WWOX: variants seen among roughly 807,000 people sequenced by gnomAD.
WWOX encodes WW domain-containing oxidoreductase.
WWOX carries 69 observed loss-of-function variants against 46.2 expected under a neutral mutation model. That is an observed-to-expected ratio of 1.49 (90% confidence interval 1.23 to 1.82). The LOEUF (loss-of-function observed/expected upper bound fraction) is 1.82. WWOX is among the 40% of genes most tolerant of loss of function. The pLI, the probability that WWOX is intolerant of heterozygous loss-of-function variation, is 0.00. For synonymous variants in WWOX, 359 were observed against 202.6 expected, an observed-to-expected ratio of 1.77 and a Z score of -6.56; for missense variants, 919 against 542.6, an observed-to-expected ratio of 1.69 and a Z score of -6.89.
intron 6 of WWOX, among the ~76,000 whole-genome samples, chr16:78,423,399 G>A (rs1176372596): frequency 6.6e-6 from 1 of 152,010 alleles, no homozygotes; most frequent in African/African-American, 2.4e-5. Flanking sequence ...GGTATATTTA[G>A]TTTACTTTAT....
rs375540815 is a variant in WWOX at position 78,103,000 on chromosome 16, CCCAGAGGTG to C, written c.107+3117_107+3125del. Among the ~76,000 whole-genome samples, 352 of 152,268 alleles carry C rather than the reference CCCAGAGGTG, an allele frequency of 2.3e-3. 1 individual carries two copies. The highest frequency in any genetic ancestry group is 8.1e-3 in the African/African-American group (338 of 41,572). On this transcript the variant is annotated intron_variant, in intron 1 of 8. Coordinates refer to ENST00000566780, the MANE Select transcript of WWOX (RefSeq NM_016373.4). ...GGCGTCTCCTCCTTTGCCACTCAGC[CCCAGAGGTG>C]CTTCTGCTTCCCTGCAGGCTTGCCC...
chr16:78,310,892 C>T (rs1320976294), intron 5 of WWOX, among the ~76,000 whole-genome samples: 2 of 152,176 alleles, frequency 1.3e-5, no homozygotes, highest in African/African-American at 4.8e-5. Context: ...GGTAGGGGCA[C>T]CCTTGTTGTC....
At chr16:78,615,263 C>G (rs2045995155) in intron 8 of WWOX, among the ~76,000 whole-genome samples, 1 of 152,180 alleles carries the variant, frequency 6.6e-6, no homozygotes, top group South Asian at 2.1e-4. Context: ...TCCTAAGTTT[C>G]AGGCTCTGCT....
rs139879546 is a variant in WWOX, at chr16:78,616,053, A to G, written c.1056+183301A>G. On this transcript the variant is annotated intron_variant, in intron 8 of 8. Coordinates refer to ENST00000566780, the MANE Select transcript of WWOX (RefSeq NM_016373.4). ...GCGTGAACTACTGTGCCTGGCCAGG[A>G]TAATCTTTAAGAAGAAGATAACATT... 8.4e-3 allele frequency among the ~76,000 whole-genome samples: 1,275 copies of G among 152,166 alleles called. 17 individuals are homozygous for G. Among genetic ancestry groups the G allele is most frequent in the African/African-American group, 0.028 (1,166 of 41,492 alleles).
At chr16:78,559,878 T>C (rs1009448572) in intron 8 of WWOX, among the ~76,000 whole-genome samples, 1 of 152,188 alleles carries the variant, frequency 6.6e-6, no homozygotes, top group Non-Finnish European at 1.5e-5. Flanking sequence ...ATCTCATACT[T>C]TACCTCAATT....
At chr16:78,291,761 A>G (rs1038588657) in intron 5 of WWOX, among the ~76,000 whole-genome samples, 1 of 152,204 alleles carries the variant, frequency 6.6e-6, no homozygotes, top group African/African-American at 2.4e-5. Context: ...AGTTTGGGGC[A>G]TATTTCCAAG....
In WWOX at chr16:78,944,742, T is replaced by C. The variant is rs114873658; in HGVS notation, c.1057-266866T>C. Among the ~76,000 whole-genome samples the C allele has an allele frequency of 4.6e-3, 698 of 152,298 alleles. 2 individuals are homozygous for C. Among genetic ancestry groups the C allele is most frequent in the African/African-American group, 0.016 (667 of 41,566 alleles). ...GACCTCCTAGGACTGCACTGCTGCT[T>C]ATGACACTGATCCTTAGCCCATCTA... On this transcript the variant is annotated intron_variant, in intron 8 of 8. Transcript: ENST00000566780.
intron 5 of WWOX, among the ~76,000 whole-genome samples, chr16:78,315,084 G>A (rs926816420): frequency 1.3e-5 from 2 of 151,912 alleles, no homozygotes; most frequent in East Asian, 1.9e-4. Flanking sequence ...GCTATCTATC[G>A]ATTTCTCTTT....
chr16:79,168,426 G>A (rs2050636374), intron 8 of WWOX, among the ~76,000 whole-genome samples: 1 of 152,150 alleles, frequency 6.6e-6, no homozygotes, highest in South Asian at 2.1e-4. Context: ...GAGTTAAGGA[G>A]TGTTCTCAGG....
At chr16:78,710,340 G>A (rs530291254) in intron 8 of WWOX, among the ~76,000 whole-genome samples, 1 of 151,322 alleles carries the variant, frequency 6.6e-6, no homozygotes, top group East Asian at 2.0e-4. Context: ...GCTGCTTCTA[G>A]CCGCTCCATC....
At chr16:78,788,721 C>G (rs929619786) in intron 8 of WWOX, among the ~76,000 whole-genome samples, 7 of 152,162 alleles carry the variant, frequency 4.6e-5, no homozygotes, top group Admixed American at 3.3e-4. Flanking sequence ...GCAAATTAAT[C>G]AAACCCAAAG....
intron 5 of WWOX, among the ~76,000 whole-genome samples, chr16:78,347,682 C>T (rs1204582163): frequency 8.2e-6 from 1 of 122,034 alleles, no homozygotes; most frequent in Non-Finnish European, 2.0e-5. Flanking sequence ...AAATTAATTG[C>T]ATTACTATCT....
At chr16:78,334,980 A>G (rs2080854295) in intron 5 of WWOX, among the ~76,000 whole-genome samples, 1 of 151,840 alleles carries the variant, frequency 6.6e-6, no homozygotes, top group Admixed American at 6.6e-5. Flanking sequence ...GAGATACACG[A>G]AGACAGAGAC....
intron 8 of WWOX, among the ~76,000 whole-genome samples, chr16:78,567,115 A>G (rs774053701): frequency 2.6e-5 from 4 of 152,196 alleles, no homozygotes; most frequent in Non-Finnish European, 5.9e-5. Context: ...TGAGGTTCAG[A>G]ATGACCCAGT....
intron 8 of WWOX, chr16:78,535,188 C>A (rs1376138634): frequency 6.6e-6 from 1 of 152,178 alleles, no homozygotes; most frequent in African/African-American, 2.4e-5. Context: ...ACAGAGGCTG[C>A]AGATGGACAC....
At chr16:78,391,228 C>A (rs993403668) in intron 6 of WWOX, among the ~76,000 whole-genome samples, 13 of 152,112 alleles carry the variant, frequency 8.5e-5, no homozygotes, top group African/African-American at 2.7e-4. Context: ...TAGAGGGAGC[C>A]CTCCTAACCA....
chr16:78,134,565 T>G (rs766209565), intron 4 of WWOX, among the ~76,000 whole-genome samples: 2 of 152,196 alleles, frequency 1.3e-5, no homozygotes, highest in Non-Finnish European at 2.9e-5. Context: ...TATTTTACTT[T>G]AATTTCTGTA....
At chr16:78,928,175 T>C (rs916479027) in intron 8 of WWOX, among the ~76,000 whole-genome samples, 1 of 151,886 alleles carries the variant, frequency 6.6e-6, no homozygotes, top group African/African-American at 2.4e-5. Flanking sequence ...ATAAAGTGTT[T>C]GGAACTATGC....
chr16:79,188,594 A>C (rs2051066361), intron 8 of WWOX, among the ~76,000 whole-genome samples: 1 of 152,234 alleles, frequency 6.6e-6, no homozygotes, highest in African/African-American at 2.4e-5. Flanking sequence ...ACTCTCAGTT[A>C]AATGTTTATC....
Sources: gnomAD v4.1 joint callset for allele counts (sites outside exome capture counted in the v4.1 genomes callset) on GRCh38, gnomAD v4.1.1 for gene constraint, MANE v1.5 for transcripts, NCBI Gene and HGNC (gene_info 2026-07-23, HGNC 2026-07-21) for gene names.